NAALADL2: variants seen among roughly 807,000 people sequenced by gnomAD.
The protein encoded by NAALADL2 is N-acetylated alpha-linked acidic dipeptidase like 2, also known as inactive N-acetylated-alpha-linked acidic dipeptidase-like protein 2.
A neutral mutation model predicts 87.2 loss-of-function variants in NAALADL2; 76 were observed. That is an observed-to-expected ratio of 0.87 (90% CI 0.72 to 1.05). The LOEUF (loss-of-function observed/expected upper bound fraction) is 1.05. Ranked by LOEUF, NAALADL2 falls within the 50% of genes least tolerant of loss-of-function variation. The pLI is 0.00. For synonymous variants in NAALADL2, 354 were observed against 331.0 expected, an observed-to-expected ratio of 1.07 and a Z score of -0.75; for missense variants, 1,089 against 945.8, an observed-to-expected ratio of 1.15 and a Z score of -1.99.
At chr3:175,046,647 A>G (rs1253135492) in intron 1 of NAALADL2, among the ~76,000 whole-genome samples, 6 of 152,218 alleles carry the variant, frequency 3.9e-5, no homozygotes. Flanking sequence ...AAAAACTGCC[A>G]AATTCATCTT....
chr3:175,002,246 A>T (rs1224807432), intron 1 of NAALADL2, among the ~76,000 whole-genome samples: 1 of 152,240 alleles, frequency 6.6e-6, no homozygotes, highest in Non-Finnish European at 1.5e-5. Flanking sequence ...AGTGTCAAGA[A>T]AAAGAAGAAG....
chr3:175,272,167 T>G (rs1415648543), intron 4 of NAALADL2, among the ~76,000 whole-genome samples: 2 of 152,192 alleles, frequency 1.3e-5, no homozygotes, highest in Non-Finnish European at 2.9e-5. Flanking sequence ...TAGACATCGA[T>G]GGACTAATTC....
At chr3:175,273,772 T>C (rs1333205469) in intron 4 of NAALADL2, among the ~76,000 whole-genome samples, 1 of 152,016 alleles carries the variant, frequency 6.6e-6, no homozygotes, top group Non-Finnish European at 1.5e-5. Flanking sequence ...TAACCACATT[T>C]TGTTTTAGAT....
intron 2 of NAALADL2, among the ~76,000 whole-genome samples, chr3:174,589,451 C>G (rs551007943): frequency 1.3e-5 from 2 of 152,146 alleles, no homozygotes; most frequent in Admixed American, 1.3e-4. Flanking sequence ...TCTTCTGCGT[C>G]GCTTATGCTG....
intron 13 of NAALADL2, among the ~76,000 whole-genome samples, chr3:175,762,192 A>ATTTTTTTT (rs55668165): frequency 0.078 from 8,858 of 113,920 alleles, 901 homozygotes; most frequent in South Asian, 0.14. Context: ...CTGTGTTTCG[A>ATTTTTTTT]TTTTTTTTTT....
chr3:175,648,492 CTTTTT>C (rs530477119), intron 11 of NAALADL2, among the ~76,000 whole-genome samples: 1 of 127,770 alleles, frequency 7.8e-6, no homozygotes, highest in African/African-American at 2.8e-5. Context: ...AGACAATTTT[CTTTTT>C]TTTTTTTTTT....
intron 2 of NAALADL2, among the ~76,000 whole-genome samples, chr3:175,121,500 T>A (rs983356643): frequency 1.3e-5 from 2 of 151,808 alleles, no homozygotes; most frequent in African/African-American, 4.8e-5. Flanking sequence ...CTGGCTGTGG[T>A]TGCAGCTGTT....
intron 2 of NAALADL2, among the ~76,000 whole-genome samples, chr3:175,107,041 T>G (rs1206376072): frequency 2.0e-5 from 3 of 151,992 alleles, no homozygotes; most frequent in Non-Finnish European, 4.4e-5. Flanking sequence ...ACACCCTCAC[T>G]CTACTGTCCC....
At chr3:175,165,375 A>ACC in intron 2 of NAALADL2, among the ~76,000 whole-genome samples, 1 of 152,152 alleles carries the variant, frequency 6.6e-6, no homozygotes, top group Non-Finnish European at 1.5e-5. Context: ...GTGAATGGGT[A>ACC]AATCAATCCA....
chr3:175,277,932 C>G (rs1753809015), intron 4 of NAALADL2, among the ~76,000 whole-genome samples: 1 of 152,148 alleles, frequency 6.6e-6, no homozygotes, highest in African/African-American at 2.4e-5. Flanking sequence ...ATATTTCAAG[C>G]CTCCTGCATA....
chr3:174,670,740 T>G (rs2108801022), intron 2 of NAALADL2, among the ~76,000 whole-genome samples: 1 of 152,220 alleles, frequency 6.6e-6, no homozygotes, highest in Non-Finnish European at 1.5e-5. Context: ...CTGCTTACCT[T>G]TAAAGTCATT....
At chr3:174,983,867 G>T (rs9810908) in intron 1 of NAALADL2, among the ~76,000 whole-genome samples, 1 of 151,956 alleles carries the variant, frequency 6.6e-6, no homozygotes, top group African/African-American at 2.4e-5. Context: ...CCCTGAGAAG[G>T]GTAGTTTCTT....
intron 11 of NAALADL2, among the ~76,000 whole-genome samples, chr3:175,673,797 A>C (rs1734331926): frequency 6.6e-6 from 1 of 152,148 alleles, no homozygotes; most frequent in Non-Finnish European, 1.5e-5. Flanking sequence ...AAATTTTAAA[A>C]GTTAAACAAA....
Position 175,059,581 on chromosome 3 carries a change from A to G in NAALADL2, c.44-37209A>G, listed in dbSNP as rs146494868. 7.0e-4 allele frequency: 222 copies of G among 318,218 alleles called. 2 individuals are homozygous for G. In the East Asian group the frequency reaches 0.02, roughly 29 times the overall value. 19.7% of individuals were successfully genotyped at this position (318,218 alleles called of 1,614,324 possible). A position where few individuals can be genotyped will look rare whatever the true frequency, so the allele number is the denominator to read the frequency against. On this transcript the variant is annotated intron_variant, in intron 1 of 13. Coordinates refer to ENST00000454872, the MANE Select transcript of NAALADL2 (RefSeq NM_207015.3). ...CCTCTAGTTTTGCCATATCTGCCAC[A>G]TCATCCCACGGTTTCACATCAGTAT...
At chr3:175,421,887 C>T (rs1715762714) in intron 5 of NAALADL2, among the ~76,000 whole-genome samples, 1 of 152,164 alleles carries the variant, frequency 6.6e-6, no homozygotes, top group Non-Finnish European at 1.5e-5. Context: ...GATCCACAGA[C>T]ATTTGAAGCA....
At chr3:175,082,548 A>G (rs1330369242) in intron 1 of NAALADL2, among the ~76,000 whole-genome samples, 1 of 152,210 alleles carries the variant, frequency 6.6e-6, no homozygotes, top group Admixed American at 6.5e-5. Flanking sequence ...ATACAGGAGG[A>G]AGGCAGACAG....
At chr3:174,565,639 G>T (rs548350828) in intron 2 of NAALADL2, among the ~76,000 whole-genome samples, 1 of 152,198 alleles carries the variant, frequency 6.6e-6, no homozygotes, top group East Asian at 1.9e-4. Context: ...AAACATTCAT[G>T]TGCAGGTTTT....
intron 11 of NAALADL2, among the ~76,000 whole-genome samples, chr3:175,645,075 A>G (rs997671016): frequency 6.6e-6 from 1 of 152,146 alleles, no homozygotes; most frequent in African/African-American, 2.4e-5. Context: ...GATCAAGACT[A>G]CAGAAGCTAT....
At position 174,987,807 on chromosome 3, in the gene NAALADL2, TATAA is replaced by T. The variant is rs1276859995; in HGVS notation, c.44-108982_44-108979del. Reference sequence around the variant, plus strand: ...ATACCTGGTTAATTATATATATATATATAATTATATATATATATATAATGAGACC... The same window carrying T: ...ATACCTGGTTAATTATATATATATATTTATATATATATATATAATGAGACC... On this transcript the variant is annotated intron_variant, in intron 1 of 13. Transcript: ENST00000454872. 6.8e-5 allele frequency among the ~76,000 whole-genome samples: 9 copies of T among 133,030 alleles called. 1 individual carries two copies. The highest frequency in any genetic ancestry group is 3.1e-4 in the African/African-American group (9 of 28,814). 87.3% of individuals were successfully genotyped at this position (133,030 alleles called of 152,430 possible).
Sources: allele counts gnomAD v4.1 joint callset (sites outside exome capture counted in the v4.1 genomes callset), GRCh38; gene constraint gnomAD v4.1.1; transcripts MANE v1.5; gene names NCBI Gene and HGNC (gene_info 2026-07-23, HGNC 2026-07-21).